POU2AF2: variants seen among roughly 807,000 people sequenced by gnomAD.
The protein encoded by POU2AF2 is POU class 2 homeobox associating factor 2.
the POU2AF2 span, among the ~76,000 whole-genome samples, chr11:111,275,855 TA>T: frequency 5.5e-4 from 84 of 152,124 alleles, 1 homozygote; most frequent in Middle Eastern, 0.01. Context: ...ATCATGAATA[TA>T]AAAATTCAAT....
the POU2AF2 span, among the ~76,000 whole-genome samples, chr11:111,259,471 A>G: frequency 6.6e-6 from 1 of 151,984 alleles, no homozygotes; most frequent in South Asian, 2.1e-4. Context: ...GTGTGCCACC[A>G]TGCCTGGCTA....
At chr11:111,281,517 C>T in the POU2AF2 span, 102 of 1,496,024 alleles carry the variant, frequency 6.8e-5, no homozygotes, top group East Asian at 2.7e-4. Flanking sequence ...TCTTTCATAA[C>T]GACCTTACAA....
At chr11:111,265,574 GATA>G in the POU2AF2 span, among the ~76,000 whole-genome samples, 1 of 152,222 alleles carries the variant, frequency 6.6e-6, no homozygotes, top group African/African-American at 2.4e-5. Flanking sequence ...AGTGAAATTT[GATA>G]ATGTCTACAA....
At chr11:111,250,034 C>G in the POU2AF2 span, among the ~76,000 whole-genome samples, 16 of 152,240 alleles carry the variant, frequency 1.1e-4, no homozygotes, top group Admixed American at 8.5e-4. Flanking sequence ...TCTCATATCT[C>G]CAGAATATTT....
At chr11:111,276,295 G>A in the POU2AF2 span, among the ~76,000 whole-genome samples, 3 of 151,486 alleles carry the variant, frequency 2.0e-5, no homozygotes, top group African/African-American at 7.3e-5. Flanking sequence ...AAGAATAACT[G>A]AAAGACCAAT....
At chr11:111,253,479 G>C in the POU2AF2 span, among the ~76,000 whole-genome samples, 1 of 152,124 alleles carries the variant, frequency 6.6e-6, no homozygotes, top group African/African-American at 2.4e-5. Context: ...GTGGAAACTT[G>C]AGATTCACCC....
At chr11:111,284,208 CCGCAGGGCAGAGCCA>C in the POU2AF2 span, 1 of 1,614,240 alleles carries the variant, frequency 6.2e-7, no homozygotes, top group Non-Finnish European at 8.5e-7. Context: ...TGTGAGTCCT[CCGCAGGGCAGAGCCA>C]TGCGGCTCTC....
At chr11:111,254,499 A>T in the POU2AF2 span, among the ~76,000 whole-genome samples, 1 of 152,186 alleles carries the variant, frequency 6.6e-6, no homozygotes, top group Non-Finnish European at 1.5e-5. Context: ...TTGCCTTCTA[A>T]TCCTCTGAAG....
At chr11:111,282,952 G>C in the POU2AF2 span, among the ~76,000 whole-genome samples, 2 of 152,110 alleles carry the variant, frequency 1.3e-5, no homozygotes, top group African/African-American at 4.8e-5. Context: ...AAAGTGTTGA[G>C]CAAACACACC....
At chr11:111,281,952 C>T in the POU2AF2 span, among the ~76,000 whole-genome samples, 21 of 152,204 alleles carry the variant, frequency 1.4e-4, no homozygotes, top group African/African-American at 3.6e-4. Context: ...AACTCAGACG[C>T]GGCACATTCC....
At chr11:111,255,872 T>C in the POU2AF2 span, 1 of 396,782 alleles carries the variant, frequency 2.5e-6, no homozygotes, top group Non-Finnish European at 4.4e-6. Flanking sequence ...AGGAATTCTA[T>C]CATTCTATCA....
At chr11:111,277,081 G>A in the POU2AF2 span, among the ~76,000 whole-genome samples, 8,780 of 152,232 alleles carry the variant, frequency 0.058, 421 homozygotes, top group Admixed American at 0.15. Flanking sequence ...TAAAAGAAAA[G>A]AGAATAGCAC....
the POU2AF2 span, among the ~76,000 whole-genome samples, chr11:111,273,932 A>G: frequency 1.3e-5 from 2 of 152,214 alleles, no homozygotes; most frequent in Admixed American, 6.5e-5. Context: ...TGTTTGCAGT[A>G]TGCAAAATAA....
At chr11:111,252,216 A>G in the POU2AF2 span, among the ~76,000 whole-genome samples, 1 of 152,184 alleles carries the variant, frequency 6.6e-6, no homozygotes, top group Non-Finnish European at 1.5e-5. Flanking sequence ...TTGCTCAGCC[A>G]GGACTGCGTA....
the POU2AF2 span, among the ~76,000 whole-genome samples, chr11:111,264,463 T>TGCAGACTGGGTGACA: frequency 5.5e-5 from 8 of 144,784 alleles, no homozygotes; most frequent in Non-Finnish European, 7.5e-5. Flanking sequence ...ACCACTGCAC[T>TGCAGACTGGGTGACA]GCAGACTGGG....
At chr11:111,272,216 T>C in the POU2AF2 span, among the ~76,000 whole-genome samples, 1 of 152,102 alleles carries the variant, frequency 6.6e-6, no homozygotes, top group Non-Finnish European at 1.5e-5. Flanking sequence ...GACTCAGATA[T>C]CATCTATGTT....
chr11:111,276,319 C>A, the POU2AF2 span, among the ~76,000 whole-genome samples: 3 of 150,922 alleles, frequency 2.0e-5, no homozygotes, highest in South Asian at 4.2e-4. Context: ...AGATACTGGC[C>A]GGGCGCGGTG....
chr11:111,279,812 C>T, the POU2AF2 span, among the ~76,000 whole-genome samples: 1 of 151,838 alleles, frequency 6.6e-6, no homozygotes, highest in Non-Finnish European at 1.5e-5. Flanking sequence ...GAGGCCGAAA[C>T]AGGTAGATCA....
chr11:111,260,178 A>G, the POU2AF2 span, among the ~76,000 whole-genome samples: 1 of 152,228 alleles, frequency 6.6e-6, no homozygotes, highest in East Asian at 1.9e-4. Flanking sequence ...CCCCTTTTTC[A>G]TACCAATGCA....
Sources: allele counts gnomAD v4.1 joint callset (sites outside exome capture counted in the v4.1 genomes callset), GRCh38; gene constraint gnomAD v4.1.1; transcripts MANE v1.5; gene names NCBI Gene and HGNC (gene_info 2026-07-23, HGNC 2026-07-21).